PLIN2: variants seen among roughly 807,000 people sequenced by gnomAD.
PLIN2 encodes the protein perilipin-2.
PLIN2 carries 33 observed loss-of-function variants against 30.6 expected under a neutral mutation model. The ratio of observed to expected loss-of-function variants is 1.08; its 90% CI spans 0.82 to 1.44. The LOEUF is 1.44. PLIN2 is among the 40% of genes most tolerant of loss of function. The pLI, the probability that PLIN2 is intolerant of heterozygous loss-of-function variation, is 0.00. For synonymous variants in PLIN2, 205 were observed against 201.1 expected, an observed-to-expected ratio of 1.02 and a Z score of -0.16; for missense variants, 610 against 531.8, an observed-to-expected ratio of 1.15 and a Z score of -1.45.
Position 19,125,968 on chromosome 9 carries a change from C to A in PLIN2, c.226+146G>T, listed in dbSNP as rs191849049. 100 of 591,198 alleles carry A rather than the reference C, an allele frequency of 1.7e-4. No homozygotes were observed. The Middle Eastern group carries it at 1.9e-3, about 11-fold the overall frequency. The allele number at this position is 591,198 out of a possible 1,614,324, so 36.6% of individuals were successfully genotyped here. On this transcript the variant is annotated intron_variant, in intron 3 of 7. Coordinates refer to ENST00000276914, the MANE Select transcript of PLIN2 (RefSeq NM_001122.4). Reference sequence around the variant, plus strand: ...GAAAAGAAAAGAAACAGTCCTCTTACGGTAATGAGGGTCACCTGAAAGTTT... The same window carrying A: ...GAAAAGAAAAGAAACAGTCCTCTTAAGGTAATGAGGGTCACCTGAAAGTTT...
At chr9:19,121,246 C>G (rs1316166137) in intron 4 of PLIN2, 81 bp from the exon 5 acceptor site, 1 of 1,264,110 alleles carries the variant, frequency 7.9e-7, no homozygotes, top group African/African-American at 1.5e-5. Context: ...TAAGGCAGCA[C>G]AGCTGAAGAG....
In PLIN2 at chr9:19,110,023, T is replaced by G. The variant is rs141325220; in HGVS notation, n.418-1276A>C. Among the ~76,000 whole-genome samples the G allele has an allele frequency of 3.9e-4, 60 of 151,944 alleles. No homozygotes were observed. The East Asian group carries it at 7.9e-3, about 20-fold the overall frequency. On this transcript the variant is annotated intron_variant and non_coding_transcript_variant, in intron 2 of 2. Coordinates refer to the PLIN2 transcript ENST00000464326. ...GGAAATTGGGGAGTTATTGTGGGTT[T>G]TTTTGTTTTGTTTTGTTTTAGATGG...
intron 3 of PLIN2, among the ~76,000 whole-genome samples, chr9:19,125,290 C>T (rs562993185): frequency 1.5e-4 from 23 of 152,336 alleles, no homozygotes; most frequent in African/African-American, 5.3e-4. Context: ...TGGTGGCTCA[C>T]ACCTGTAGTC....
intron 7 of PLIN2, among the ~76,000 whole-genome samples, chr9:19,117,432 T>G (rs1360149466): frequency 6.6e-6 from 1 of 151,980 alleles, no homozygotes; most frequent in African/African-American, 2.4e-5. Context: ...ATGCTGAGAT[T>G]ACAGGTGTGA....
rs141699649 is a variant in PLIN2 at position 19,116,271 on chromosome 9, G to A, written c.1291C>T (p.Arg431Ter). 85 of 1,601,382 alleles carry A rather than the reference G, an allele frequency of 5.3e-5. No homozygotes were observed. The highest frequency in any genetic ancestry group is 8.0e-5 in the African/African-American group (6 of 74,552). The change falls in exon 8 of 8, where the codon CGA becomes TGA. Residue 431 changes from arginine to a stop codon, truncating the protein, a stop_gained. Transcript: ENST00000276914. LOFTEE classifies it high-confidence loss of function. ...GTTTAATGAGTTTTATGCTCAGATC[G>A]CTGGGTCTCCTGGCTGCTCTTGTCC... ...EMDKSSQETQ[R>*]SEHKTH
In PLIN2 at chr9:19,118,412, A is replaced by G. The variant is rs1479661060; in HGVS notation, c.821T>C (p.Ile274Thr). The G allele has an allele frequency of 2.5e-6, 4 of 1,613,760 alleles. No individual in the cohort carries two copies. The East Asian group carries it at 6.7e-5, about 27-fold the overall frequency. Residue 274 changes from isoleucine (I) to threonine (T), a missense_variant, in exon 7 of 8, where the codon ATT (isoleucine) becomes ACT (threonine). By Grantham distance (89) the Ile-to-Thr change is moderately conservative (BLOSUM62 -1). Transcript: ENST00000276914. Reference sequence around the variant, plus strand: ...GTAGAGCTTATCCTGAGCATCCTGAATTTTCTGATTGGCACTATACACATT... The same window carrying G: ...GTAGAGCTTATCCTGAGCATCCTGAGTTTTCTGATTGGCACTATACACATT... ...RKNVYSANQKIQDAQDKLYLS... is the reference protein window; with the variant it reads ...RKNVYSANQKTQDAQDKLYLS...
intron 7 of PLIN2, among the ~76,000 whole-genome samples, chr9:19,117,967 G>A (rs975538415): frequency 1.5e-4 from 23 of 152,160 alleles, no homozygotes; most frequent in Non-Finnish European, 1.5e-4. Context: ...TGGCTACTCT[G>A]AGTGTACTGC....
At chr9:19,121,667 C>T (rs953651821) in intron 4 of PLIN2, among the ~76,000 whole-genome samples, 8 of 152,182 alleles carry the variant, frequency 5.3e-5, no homozygotes, top group Non-Finnish European at 1.0e-4. Flanking sequence ...CATGGTGGCT[C>T]ATGCCTGTAA....
intron 2 of PLIN2, 39 bp from the exon 3 acceptor site, chr9:19,126,348 CA>C: frequency 6.2e-7 from 1 of 1,613,662 alleles, no homozygotes; most frequent in Non-Finnish European, 8.5e-7. Flanking sequence ...ATTAATCTCT[CA>C]AAACACAAAA....
downstream of PLIN2, chr9:19,115,672 T>C (rs1411523526): frequency 3.9e-5 from 6 of 152,198 alleles, no homozygotes; most frequent in Non-Finnish European, 5.9e-5. Flanking sequence ...AACAGGCCAA[T>C]TGAAATTCAT....
intron 4 of PLIN2, 70 bp from the exon 5 acceptor site, chr9:19,121,235 C>T (rs1818310920): frequency 7.3e-7 from 1 of 1,374,878 alleles, no homozygotes; most frequent in Non-Finnish European, 1.0e-6. Flanking sequence ...AAGGTCTTAA[C>T]TAAGGCAGCA....
At chr9:19,119,614 C>T (rs966857586) in intron 6 of PLIN2, 36 bp downstream of exon 6, 3 of 1,282,352 alleles carry the variant, frequency 2.3e-6, no homozygotes, top group South Asian at 3.1e-5. Flanking sequence ...GATAAATGAA[C>T]CCACTTCAGA....
intron 5 of PLIN2, 141 bp downstream of exon 5, chr9:19,120,739 T>C: frequency 1.5e-6 from 1 of 651,254 alleles, no homozygotes; most frequent in South Asian, 1.9e-5. Flanking sequence ...TCTTTTGGGG[T>C]AGCAGAAGTG....
Position 19,119,642 on chromosome 9 carries a change from T to C in PLIN2, c.777+8A>G. The stretch of plus-strand genomic sequence containing the variant: ...ACTTCAGACACCTTAAAATAAAGTT[T>C]TACTCACCAGGTGAACAGTAGAATG... On this transcript the variant is annotated splice_region_variant and intron_variant, in intron 6 of 7. Transcript: ENST00000276914. The C allele has an allele frequency of 6.5e-7, 1 of 1,528,894 alleles. No individual in the cohort carries two copies. The highest frequency in any genetic ancestry group is 1.2e-5 in the South Asian group (1 of 82,142). 94.7% of individuals were successfully genotyped at this position (1,528,894 alleles called of 1,614,324 possible). A position where few individuals can be genotyped will look rare whatever the true frequency, so the allele number is the denominator to read the frequency against.
chr9:19,115,443 G>A (rs1564028780), downstream of PLIN2, among the ~76,000 whole-genome samples: 1 of 151,884 alleles, frequency 6.6e-6, no homozygotes. Flanking sequence ...GAGTAGCTGG[G>A]ACTACAGGCA....
At position 19,121,163 on chromosome 9, in the gene PLIN2, A is replaced by C; in HGVS notation, c.312T>G (p.Ile104Met). The C allele has an allele frequency of 6.2e-7, 1 of 1,613,752 alleles. No homozygotes were observed. Among genetic ancestry groups the C allele is most frequent in the Non-Finnish European group, 8.5e-7 (1 of 1,179,784 alleles). Residue 104 changes from isoleucine (I) to methionine (M), a missense_variant and splice_region_variant, in exon 5 of 8, where the codon ATT becomes ATG. Transcript: ENST00000276914. ...LPILNQPSTQ[I>M]VANAKGAVTG... The stretch of plus-strand genomic sequence containing the variant: ...TCACAGCGCCTTTGGCATTGGCAAC[A>C]ATCTGTAAGTAGAAAAGCAGATCCC...
downstream of PLIN2, among the ~76,000 whole-genome samples, chr9:19,111,690 A>C (rs992667026): frequency 6.6e-6 from 1 of 152,148 alleles, no homozygotes; most frequent in Admixed American, 6.6e-5. Flanking sequence ...TCAGAATCTC[A>C]AAAGGTAACC....
rs774176382 is a variant in PLIN2, at chr9:19,119,788, CT to C, written c.638del (p.Lys213SerfsTer47). On this transcript the variant is annotated frameshift_variant, in exon 6 of 8. Transcript: ENST00000276914. LOFTEE classifies it high-confidence loss of function. ...ATCCCAGTCTAACATAATAACTTGG[CT>C]TCTGAACCAGATCAAATCCTTCAAC... Reference protein sequence around the residue: ...KKVEGFDLVQKPSYYVRLGSL... With the variant: ...KKVEGFDLVQXPSYYVRLGSL... 2 of 1,594,800 alleles carry C rather than the reference CT, an allele frequency of 1.3e-6. No individual in the cohort carries two copies. Among genetic ancestry groups the C allele is most frequent in the South Asian group, 2.3e-5 (2 of 88,522 alleles).
downstream of PLIN2, among the ~76,000 whole-genome samples, chr9:19,114,204 C>T (rs531444670): frequency 4.6e-5 from 7 of 151,286 alleles, no homozygotes; most frequent in African/African-American, 9.7e-5. Context: ...CATGAGTCAC[C>T]GTGCCTGGTC....
Sources: allele counts gnomAD v4.1 joint callset (sites outside exome capture counted in the v4.1 genomes callset), GRCh38; gene constraint gnomAD v4.1.1; transcripts MANE v1.5; gene names NCBI Gene and HGNC (gene_info 2026-07-23, HGNC 2026-07-21).